Variants in BCAR3 observed in about 807,000 individuals in gnomAD.
The protein encoded by BCAR3 is breast cancer anti-estrogen resistance protein 3.
A neutral mutation model predicts 80.1 loss-of-function variants in BCAR3; 37 were observed. The observed-to-expected ratio is 0.46, with a 90% CI of 0.36 to 0.61. BCAR3 has a LOEUF of 0.61. BCAR3 is among the 20% of genes least tolerant of loss of function. The pLI, the probability that BCAR3 is intolerant of heterozygous loss-of-function variation, is 0.00. For synonymous variants in BCAR3, 389 were observed against 418.9 expected, an observed-to-expected ratio of 0.93 and a Z score of 0.87; for missense variants, 978 against 1,068.2, an observed-to-expected ratio of 0.92 and a Z score of 1.18.
At chr1:93,712,541 C>T (rs545261055) in intron 2 of BCAR3, among the ~76,000 whole-genome samples, 1 of 152,360 alleles carries the variant, frequency 6.6e-6, no homozygotes, top group East Asian at 1.9e-4. Flanking sequence ...TGTCTAGGTC[C>T]ATGTAAACAT....
intron 2 of BCAR3, among the ~76,000 whole-genome samples, chr1:93,828,877 G>A (rs903095788): frequency 3.9e-5 from 6 of 152,074 alleles, no homozygotes; most frequent in African/African-American, 1.2e-4. Flanking sequence ...ATTTTTAGTA[G>A]AGATGGGGTT....
intron 2 of BCAR3, among the ~76,000 whole-genome samples, chr1:93,765,092 T>C (rs1421421961): frequency 6.6e-6 from 1 of 152,142 alleles, no homozygotes; most frequent in African/African-American, 2.4e-5. Context: ...GGGAGGTGGC[T>C]AAAGGTGGGC....
At chr1:93,591,082 A>G (rs557942630) in intron 4 of BCAR3, among the ~76,000 whole-genome samples, 2 of 148,988 alleles carry the variant, frequency 1.3e-5, no homozygotes, top group East Asian at 2.0e-4. Flanking sequence ...TTTGCTATCT[A>G]TGTTTTCTAC....
chr1:93,646,216 TTAA>T (rs1259767305), intron 2 of BCAR3, among the ~76,000 whole-genome samples: 2 of 152,168 alleles, frequency 1.3e-5, no homozygotes, highest in Non-Finnish European at 2.9e-5. Flanking sequence ...AATGAGAACA[TTAA>T]AAATAAAATG....
chr1:93,657,571 AATCAAATAAAGTT>A (rs1427084302), intron 2 of BCAR3, among the ~76,000 whole-genome samples: 5 of 152,296 alleles, frequency 3.3e-5, no homozygotes, highest in South Asian at 2.1e-4. Context: ...TATATATCAT[AATCAAATAAAGTT>A]TATTCCAGGC....
chr1:93,663,798 C>T (rs1292313504), intron 2 of BCAR3, among the ~76,000 whole-genome samples: 4 of 152,196 alleles, frequency 2.6e-5, no homozygotes, highest in Non-Finnish European at 5.9e-5. Flanking sequence ...CTGGGGGAAT[C>T]CTTTAAAGGA....
At chr1:93,567,218 C>A in intron 11 of BCAR3, 61 bp downstream of exon 11, 1 of 1,564,378 alleles carries the variant, frequency 6.4e-7, no homozygotes, top group South Asian at 1.1e-5. Flanking sequence ...CATGCTCTTC[C>A]ATTCCTTCAT....
At chr1:93,686,914 T>C (rs2101960679) in intron 3 of BCAR3, among the ~76,000 whole-genome samples, 1 of 152,326 alleles carries the variant, frequency 6.6e-6, no homozygotes, top group African/African-American at 2.4e-5. Flanking sequence ...AATAACCAGA[T>C]GTTCTATTCC....
chr1:93,842,492 T>C (rs889753914), intron 2 of BCAR3, among the ~76,000 whole-genome samples: 1 of 152,178 alleles, frequency 6.6e-6, no homozygotes, highest in Non-Finnish European at 1.5e-5. Flanking sequence ...GCCAAGCACA[T>C]GTGTTTTTCA....
intron 2 of BCAR3, among the ~76,000 whole-genome samples, chr1:93,842,371 C>T (rs1021105008): frequency 1.3e-5 from 2 of 152,002 alleles, no homozygotes; most frequent in Non-Finnish European, 2.9e-5. Flanking sequence ...AGGCTGGTCT[C>T]GACCTCCTGA....
chr1:93,789,493 T>C (rs1017736219), intron 2 of BCAR3, among the ~76,000 whole-genome samples: 1 of 152,238 alleles, frequency 6.6e-6, no homozygotes, highest in Non-Finnish European at 1.5e-5. Flanking sequence ...AAAAATTGTA[T>C]GCACAGATAC....
rs768953701 is a variant in BCAR3 at position 93,582,381 on chromosome 1, T to C, written c.1606A>G (p.Met536Val). ...AACAGTTCTTTTGCACGTTTCAACA[T>C]TGCTGTTTCCAGGGGCTTATTCTCA... ...PPENKPLETAMLKRAKELFTN... is the reference protein window; with the variant it reads ...PPENKPLETAVLKRAKELFTN... The change falls in exon 7 of 12, where the codon ATG (methionine) becomes GTG (valine). Residue 536 changes from methionine (M) to valine (V), a missense_variant. By Grantham distance (21) the Met-to-Val change is conservative. Transcript: ENST00000260502. The C allele has an allele frequency of 1.9e-6, 3 of 1,614,050 alleles. No homozygotes were observed. The highest frequency in any genetic ancestry group is 1.6e-4 in the Middle Eastern group (1 of 6,082).
chr1:93,846,975 C>CA (rs1553176813), intron 1 of BCAR3: 2 of 193,696 alleles, frequency 1.0e-5, no homozygotes, highest in Non-Finnish European at 2.0e-5. Flanking sequence ...AGACGTCGCG[C>CA]GGCGGCGCTC....
intron 3 of BCAR3, among the ~76,000 whole-genome samples, chr1:93,639,731 C>T (rs1675920898): frequency 6.6e-6 from 1 of 152,078 alleles, no homozygotes; most frequent in African/African-American, 2.4e-5. Flanking sequence ...CCCACCTCGG[C>T]CTCCCAAAGT....
intron 3 of BCAR3, among the ~76,000 whole-genome samples, chr1:93,697,553 A>G (rs1649461927): frequency 6.6e-6 from 1 of 152,156 alleles, no homozygotes; most frequent in Non-Finnish European, 1.5e-5. Flanking sequence ...TCTCACTACT[A>G]TAGGAGATGG....
rs142666440 is a variant in BCAR3 at position 93,589,376 on chromosome 1, C to T, written c.530G>A (p.Arg177His). Residue 177 changes from arginine (R) to histidine (H), a missense_variant, in exon 5 of 12, where the codon CGT becomes CAT. By Grantham distance (29) the Arg-to-His change is conservative. Coordinates refer to ENST00000260502, the MANE Select transcript of BCAR3 (RefSeq NM_003567.4). ...GTTCCCAGGGCTGGACAGAGAGTCA[C>T]GAACTAGGAAGTCACCATCTCGCTG... ...LVQRDGDFLVRDSLSSPGNFV... is the reference protein window; with the variant it reads ...LVQRDGDFLVHDSLSSPGNFV... 88 of 1,613,676 alleles carry T rather than the reference C, an allele frequency of 5.5e-5. No homozygotes were observed. Among genetic ancestry groups the T allele is most frequent in the African/African-American group, 2.3e-4 (17 of 74,926 alleles).
chr1:93,595,282 C>G (rs1473798226), intron 3 of BCAR3, among the ~76,000 whole-genome samples: 2 of 152,010 alleles, frequency 1.3e-5, no homozygotes, highest in African/African-American at 4.8e-5. Context: ...TACACAACTG[C>G]CTAGACTTGT....
At position 93,582,599 on chromosome 1, in the gene BCAR3, T is replaced by C. The variant is rs140309627; in HGVS notation, c.1388A>G (p.Asn463Ser). 22 of 1,613,664 alleles carry C rather than the reference T, an allele frequency of 1.4e-5. No homozygotes were observed. In the African/African-American group the frequency reaches 2.7e-4, roughly 20 times the overall value. ...AGAGTTCCGGGGACCTGGCGCCTCA[T>C]TCTGCTTGGCTGTGAGCAGTTCTGT... ...SHTELLTAKQ[N>S]EAPGPRNSGV... The change falls in exon 7 of 12, where the codon AAT becomes AGT. Residue 463 changes from asparagine to serine, a missense_variant. Physicochemically the swap from Asn to Ser is conservative, Grantham distance 46 (BLOSUM62 1). Transcript: ENST00000260502.
At chr1:93,768,314 T>C (rs1185520792) in intron 2 of BCAR3, among the ~76,000 whole-genome samples, 1 of 152,000 alleles carries the variant, frequency 6.6e-6, no homozygotes, top group Non-Finnish European at 1.5e-5. Flanking sequence ...AAAAAGCAGG[T>C]ATATAAATAC....
Sources: gnomAD v4.1 joint callset for allele counts (sites outside exome capture counted in the v4.1 genomes callset) on GRCh38, gnomAD v4.1.1 for gene constraint, MANE v1.5 for transcripts, NCBI Gene and HGNC (gene_info 2026-07-23, HGNC 2026-07-21) for gene names.